Variants in COL4A4 observed in about 807,000 individuals in gnomAD.
COL4A4 encodes the protein collagen alpha-4(IV) chain.
In COL4A4, 105 loss-of-function variants were observed where a neutral mutation model predicts 192.9. The observed-to-expected ratio is 0.54, with a 90% CI of 0.46 to 0.64. The LOEUF (loss-of-function observed/expected upper bound fraction) is 0.64, where lower values mean the gene tolerates loss of function less well. Ranked by LOEUF, COL4A4 falls within the 30% of genes least tolerant of loss-of-function variation. The pLI is 0.00. For missense variants in COL4A4, 1,967 were observed against 2,169.3 expected (o/e 0.91, Z 1.85); for synonymous variants, 762 against 769.9 (o/e 0.99, Z 0.17).
At chr2:227,068,177 G>A (rs2058469925) in intron 25 of COL4A4, among the ~76,000 whole-genome samples, 1 of 150,270 alleles carries the variant, frequency 6.7e-6, no homozygotes, top group African/African-American at 2.4e-5. Flanking sequence ...GGAAGAAGTT[G>A]AATCTCTGAA....
chr2:226,989,029 T>C, the COL4A4 span, among the ~76,000 whole-genome samples: 1 of 152,248 alleles, frequency 6.6e-6, no homozygotes, highest in Admixed American at 6.5e-5. Flanking sequence ...TCTGGAGGTT[T>C]ACACATGCTG....
At chr2:227,145,655 G>A (rs1231968647) in intron 2 of COL4A4, among the ~76,000 whole-genome samples, 2 of 152,160 alleles carry the variant, frequency 1.3e-5, no homozygotes, top group African/African-American at 4.8e-5. Context: ...TTTGTTCTCT[G>A]TAGAGCCTTC....
chr2:227,006,789 C>G lies in COL4A4; in HGVS notation c.*536G>C, dbSNP rs936588405. 5 of 154,224 alleles carry G rather than the reference C, an allele frequency of 3.2e-5. No individual in the cohort carries two copies. The highest frequency in any genetic ancestry group is 2.0e-4 in the South Asian group (1 of 5,042). The allele number at this position is 154,224 out of a possible 1,614,324, so 9.6% of individuals were successfully genotyped here. ...TTTTTTCTTCTTTAAAAAAAAATCT[C>G]TCTTTGCGTCATGGTTTTACCATTA... On this transcript the variant is annotated 3_prime_UTR_variant, in exon 48 of 48. Transcript: ENST00000396625.
chr2:226,988,468 G>C, the COL4A4 span: 2 of 1,547,154 alleles, frequency 1.3e-6, no homozygotes, highest in Non-Finnish European at 1.7e-6. Flanking sequence ...GAGGCTGCAG[G>C]GTCCCTGTAG....
At chr2:227,124,079 T>A (rs1337921305) in intron 4 of COL4A4, among the ~76,000 whole-genome samples, 2 of 152,178 alleles carry the variant, frequency 1.3e-5, no homozygotes, top group Non-Finnish European at 2.9e-5. Flanking sequence ...TATAAATGGA[T>A]AATTGTTAAA....
intron 8 of COL4A4, among the ~76,000 whole-genome samples, chr2:227,114,150 G>T (rs989325661): frequency 9.2e-5 from 14 of 152,232 alleles, no homozygotes; most frequent in East Asian, 1.9e-4. Flanking sequence ...ATATTACAAT[G>T]TTTTAATTAC....
intron 3 of COL4A4, among the ~76,000 whole-genome samples, chr2:227,140,829 C>T (rs1380465088): frequency 6.6e-6 from 1 of 150,678 alleles, no homozygotes; most frequent in Non-Finnish European, 1.5e-5. Context: ...ATAATTTGGA[C>T]CTTTTCCCCA....
chr2:227,011,047 G>A (rs536808509), intron 45 of COL4A4, among the ~76,000 whole-genome samples: 4 of 152,130 alleles, frequency 2.6e-5, no homozygotes, highest in East Asian at 3.9e-4. Context: ...TCTCCTCTTC[G>A]AGAAGAGAGG....
chr2:226,994,373 TTGAA>T, the COL4A4 span, among the ~76,000 whole-genome samples: 1 of 152,122 alleles, frequency 6.6e-6, no homozygotes, highest in Non-Finnish European at 1.5e-5. Context: ...GTGGTGATGA[TTGAA>T]TGAAGACAAA....
intron 1 of COL4A4, among the ~76,000 whole-genome samples, chr2:227,161,633 A>G (rs370997034): frequency 2.0e-5 from 3 of 152,316 alleles, no homozygotes; most frequent in South Asian, 2.1e-4. Context: ...TAGATAAGCA[A>G]CTTCTCAGAG....
intron 7 of COL4A4, among the ~76,000 whole-genome samples, chr2:227,117,653 A>T (rs1178577036): frequency 6.6e-6 from 1 of 152,140 alleles, no homozygotes; most frequent in Non-Finnish European, 1.5e-5. Context: ...TGCTAAAAAA[A>T]AAAAAATCAC....
At chr2:227,026,366 C>T (rs1233498850) in intron 42 of COL4A4, among the ~76,000 whole-genome samples, 2 of 151,968 alleles carry the variant, frequency 1.3e-5, no homozygotes, top group African/African-American at 4.8e-5. Flanking sequence ...CGTGAGGTGG[C>T]GGGCGCCTGT....
chr2:227,118,672 T>A lies in COL4A4; in HGVS notation c.462A>T (p.Arg154Ser), dbSNP rs369520774. The A allele has an allele frequency of 6.2e-7, 1 of 1,614,066 alleles. No individual in the cohort carries two copies. Among genetic ancestry groups the A allele is most frequent in the Non-Finnish European group, 8.5e-7 (1 of 1,179,968 alleles). The change falls in exon 7 of 48, where the codon AGA (arginine) becomes AGT (serine). Residue 154 changes from arginine to serine, a missense_variant. Arg to Ser is a moderately radical substitution (Grantham distance 110). Coordinates refer to ENST00000396625, the MANE Select transcript of COL4A4 (RefSeq NM_000092.5). ...GGGGGCCTCCTGGGCCAAGAGCTCC[T>A]CTTCCTCCTGGAAACCCTGGGTCAC... ...SRGDPGFPGG[R>S]GALGPGGPLG...
chr2:227,133,137 G>T (rs1245050467), intron 4 of COL4A4, among the ~76,000 whole-genome samples: 1 of 152,130 alleles, frequency 6.6e-6, no homozygotes, highest in Non-Finnish European at 1.5e-5. Flanking sequence ...GGTCATGCTG[G>T]GTCACACAGT....
chr2:227,043,948 A>C (rs1365218188), intron 35 of COL4A4, among the ~76,000 whole-genome samples: 1 of 152,178 alleles, frequency 6.6e-6, no homozygotes, highest in Non-Finnish European at 1.5e-5. Flanking sequence ...TCTCCACACC[A>C]CGTTCCATCC....
chr2:227,012,151 C>A (rs898837673), intron 45 of COL4A4, 30 bp downstream of exon 45: 2 of 1,519,012 alleles, frequency 1.3e-6, no homozygotes, highest in African/African-American at 2.7e-5. Flanking sequence ...TTTACAGTGT[C>A]AGAGAAAAGA....
At chr2:227,022,519 T>A (rs753906137) in intron 43 of COL4A4, 1 of 555,658 alleles carries the variant, frequency 1.8e-6, no homozygotes, top group Admixed American at 1.9e-5. Context: ...GGGCCATTTT[T>A]TACTGGAGTA....
chr2:227,094,632 T>G (rs2060113828), intron 19 of COL4A4, among the ~76,000 whole-genome samples: 1 of 152,188 alleles, frequency 6.6e-6, no homozygotes, highest in South Asian at 2.1e-4. Context: ...CTGTACAGCG[T>G]GAAAATGATA....
intron 25 of COL4A4, among the ~76,000 whole-genome samples, 173 bp from the exon 26 acceptor site, chr2:227,062,771 T>C (rs770327033): frequency 1.3e-5 from 2 of 152,212 alleles, no homozygotes; most frequent in Non-Finnish European, 2.9e-5. Flanking sequence ...ATACAGAATT[T>C]TTAGATTTTT....
Sources: gnomAD v4.1 joint callset for allele counts (sites outside exome capture counted in the v4.1 genomes callset) on GRCh38, gnomAD v4.1.1 for gene constraint, MANE v1.5 for transcripts, NCBI Gene and HGNC (gene_info 2026-07-23, HGNC 2026-07-21) for gene names.